ACTR3: variants seen among roughly 807,000 people sequenced by gnomAD.
ACTR3 encodes the protein actin related protein 3.
A neutral mutation model predicts 56.8 loss-of-function variants in ACTR3; 12 were observed. The observed-to-expected ratio is 0.21, with a 90% CI of 0.14 to 0.34. The LOEUF is 0.34. Ranked by LOEUF, ACTR3 falls within the 10% of genes least tolerant of loss-of-function variation. ACTR3 has a pLI of 1.00. For missense variants in ACTR3, 282 were observed against 512.5 expected, an observed-to-expected ratio of 0.55 and a Z score of 4.34; for synonymous variants, 162 against 167.4, an observed-to-expected ratio of 0.97 and a Z score of 0.25.
At chr2:113,895,959 A>C (rs1678999736) in intron 1 of ACTR3, among the ~76,000 whole-genome samples, 1 of 152,104 alleles carries the variant, frequency 6.6e-6, no homozygotes, top group Admixed American at 6.6e-5. Context: ...CCTATGTTCA[A>C]GCTGTCTTCC....
At chr2:113,955,449 A>G in intron 10 of ACTR3, 174 bp from the exon 11 acceptor site, 1 of 525,936 alleles carries the variant, frequency 1.9e-6, no homozygotes, top group Non-Finnish European at 3.4e-6. Flanking sequence ...TCTCTTCCAC[A>G]GTGTTCCCAA....
At position 113,960,571 on chromosome 2, in the gene ACTR3, A is replaced by G. The variant is rs1680307970; in HGVS notation, c.*3116A>G. Reference sequence around the variant, plus strand: ...TGTTTATAAAATTATTGAGAAGATTATTTGTGTTATAAAGCTTATTTGTAC... The same window carrying G: ...TGTTTATAAAATTATTGAGAAGATTGTTTGTGTTATAAAGCTTATTTGTAC... On this transcript the variant is annotated 3_prime_UTR_variant, in exon 12 of 12. Transcript: ENST00000263238. 1.3e-5 allele frequency: 2 copies of G among 152,106 alleles called. No homozygotes were observed. Among genetic ancestry groups the G allele is most frequent in the African/African-American group, 4.8e-5 (2 of 41,560 alleles). 9.4% of individuals were successfully genotyped at this position (152,106 alleles called of 1,614,324 possible).
chr2:113,934,058 A>G, intron 5 of ACTR3: 2 of 481,234 alleles, frequency 4.2e-6, no homozygotes, highest in Non-Finnish European at 7.3e-6. Context: ...CATGCTCCTA[A>G]AAGCAAATGT....
intron 5 of ACTR3, among the ~76,000 whole-genome samples, chr2:113,931,732 A>G (rs1466828213): frequency 6.6e-6 from 1 of 152,060 alleles, no homozygotes; most frequent in Non-Finnish European, 1.5e-5. Flanking sequence ...ATCCTTTATC[A>G]TTTATCCTTA....
At chr2:113,938,086 AT>A (rs1193764635) in intron 6 of ACTR3, among the ~76,000 whole-genome samples, 1 of 149,980 alleles carries the variant, frequency 6.7e-6, no homozygotes, top group Non-Finnish European at 1.5e-5. Flanking sequence ...CAAATTCACT[AT>A]TTTTTCTTCA....
chr2:113,943,501 C>T (rs979595062), intron 8 of ACTR3, among the ~76,000 whole-genome samples: 3 of 152,172 alleles, frequency 2.0e-5, no homozygotes, highest in East Asian at 1.9e-4. Flanking sequence ...AGGTTACTCT[C>T]GCAGCATTGG....
intron 3 of ACTR3, among the ~76,000 whole-genome samples, chr2:113,918,221 C>T (rs907305810): frequency 6.6e-6 from 1 of 152,134 alleles, no homozygotes; most frequent in Non-Finnish European, 1.5e-5. Context: ...ATAATTTTTG[C>T]ACTTAAAGTG....
chr2:113,954,390 T>C (rs1370686018), intron 10 of ACTR3: 1 of 152,164 alleles, frequency 6.6e-6, no homozygotes, highest in Non-Finnish European at 1.5e-5. Context: ...AGTTTTGCAA[T>C]TTCTGTCATT....
At chr2:113,916,610 A>G (rs976845661) in intron 2 of ACTR3, among the ~76,000 whole-genome samples, 2 of 152,154 alleles carry the variant, frequency 1.3e-5, no homozygotes, top group African/African-American at 4.8e-5. Context: ...GAGGATTTAT[A>G]TAATTTAAAA....
intron 3 of ACTR3, among the ~76,000 whole-genome samples, chr2:113,919,513 T>C (rs1323216706): frequency 6.6e-6 from 1 of 152,200 alleles, no homozygotes; most frequent in African/African-American, 2.4e-5. Flanking sequence ...ATATTTACTT[T>C]TTTTTGTTGT....
chr2:113,942,676 G>A (rs540514223), intron 8 of ACTR3, among the ~76,000 whole-genome samples: 2 of 151,480 alleles, frequency 1.3e-5, no homozygotes, highest in East Asian at 1.9e-4. Context: ...GTAAAGTTTT[G>A]TAATTGAAAT....
chr2:113,917,174 T>G (rs949212673), intron 3 of ACTR3, among the ~76,000 whole-genome samples, 166 bp downstream of exon 3: 2 of 152,034 alleles, frequency 1.3e-5, no homozygotes, highest in Admixed American at 6.6e-5. Context: ...TTTAACTTTT[T>G]TTTTTCTTTT....
At chr2:113,918,677 G>T (rs1679452806) in intron 3 of ACTR3, among the ~76,000 whole-genome samples, 1 of 152,086 alleles carries the variant, frequency 6.6e-6, no homozygotes, top group South Asian at 2.1e-4. Flanking sequence ...GAGTTACCAC[G>T]CCTGGGCCAG....
chr2:113,929,513 C>T (rs1679680181), intron 4 of ACTR3, among the ~76,000 whole-genome samples: 1 of 152,146 alleles, frequency 6.6e-6, no homozygotes, highest in South Asian at 2.1e-4. Context: ...TTTCATTTCT[C>T]TTGTCTAAAT....
At chr2:113,919,067 ATT>A (rs981644188) in intron 3 of ACTR3, among the ~76,000 whole-genome samples, 2 of 152,204 alleles carry the variant, frequency 1.3e-5, no homozygotes, top group Non-Finnish European at 2.9e-5. Flanking sequence ...GGACAATCTC[ATT>A]TTGTCTATAT....
chr2:113,951,384 CTT>C, intron 8 of ACTR3, 93 bp from the exon 9 acceptor site: 1 of 793,160 alleles, frequency 1.3e-6, no homozygotes, highest in Non-Finnish European at 2.1e-6. Flanking sequence ...TCTAAAAGGC[CTT>C]TTGTTTTTGA....
At position 113,890,267 on chromosome 2, in the gene ACTR3, G is replaced by C; in HGVS notation, c.-13G>C. ...GCAGACGGCGGCAGCAGCAGCAGCA[G>C]GCGAGGAGGAAGATGGCGGGACGGC... On this transcript the variant is annotated 5_prime_UTR_variant, in exon 1 of 12. Coordinates refer to ENST00000263238, the MANE Select transcript of ACTR3 (RefSeq NM_005721.5). 1 of 1,551,552 alleles carries C rather than the reference G, an allele frequency of 6.4e-7. No homozygotes were observed.
intron 3 of ACTR3, among the ~76,000 whole-genome samples, chr2:113,921,716 A>G (rs1299374745): frequency 6.6e-6 from 1 of 152,160 alleles, no homozygotes; most frequent in Non-Finnish European, 1.5e-5. Context: ...GAGAGGAGAA[A>G]ATAAGTTTAA....
chr2:113,958,974 T>A lies in ACTR3; in HGVS notation c.*1519T>A, dbSNP rs1300071983. 5 of 152,048 alleles carry A rather than the reference T, an allele frequency of 3.3e-5. No homozygotes were observed. Among genetic ancestry groups the A allele is most frequent in the African/African-American group, 1.2e-4 (5 of 41,450 alleles). The allele number at this position is 152,048 out of a possible 1,614,324, so 9.4% of individuals were successfully genotyped here. The stretch of plus-strand genomic sequence containing the variant: ...ATATTTAAAATCCTATAATAATTTT[T>A]GTGAATCTTCATTCTTTGAGTATGG... On this transcript the variant is annotated 3_prime_UTR_variant, in exon 12 of 12. Coordinates refer to ENST00000263238, the MANE Select transcript of ACTR3 (RefSeq NM_005721.5).
Sources: gnomAD v4.1 joint callset for allele counts (sites outside exome capture counted in the v4.1 genomes callset) on GRCh38, gnomAD v4.1.1 for gene constraint, MANE v1.5 for transcripts, NCBI Gene and HGNC (gene_info 2026-07-23, HGNC 2026-07-21) for gene names.